RASAL1: variants seen among roughly 807,000 people sequenced by gnomAD.
The protein encoded by RASAL1 is RAS protein activator like 1, also known as rasGAP-activating-like protein 1.
In RASAL1, 72 loss-of-function variants were observed where a neutral mutation model predicts 96.6. The ratio of observed to expected loss-of-function variants is 0.75; its 90% CI spans 0.62 to 0.91. RASAL1 has a LOEUF of 0.91. Ranked by LOEUF, RASAL1 falls within the 40% of genes least tolerant of loss-of-function variation. The pLI is 0.00. For missense variants in RASAL1, 1,016 were observed against 1,072.5 expected, an observed-to-expected ratio of 0.95 and a Z score of 0.74; for synonymous variants, 405 against 430.4, an observed-to-expected ratio of 0.94 and a Z score of 0.73.
chr12:113,114,315 ATG>A (rs1380184598), intron 12 of RASAL1, among the ~76,000 whole-genome samples: 3 of 151,784 alleles, frequency 2.0e-5, no homozygotes. Context: ...TCTGCTAAAA[ATG>A]TAAAAACTTA....
rs774574207 is a variant in RASAL1 at position 113,101,995 on chromosome 12, G to A, written c.2119C>T (p.Arg707Cys). Residue 707 changes from arginine to cysteine, a missense_variant, in exon 19 of 21, where the codon CGT becomes TGT. Arg to Cys is a radical substitution (Grantham distance 180). Coordinates refer to ENST00000548055, the MANE Select transcript of RASAL1 (RefSeq NM_001301202.2). ...CCCAGGGTGACAGCTGAGTGTGTAC[G>A]GCTGCAGCCGGCGGCTGAGGGAACA... Reference protein sequence around the residue: ...QAERSAAGCSRTHSAVTLGDW... With the variant: ...QAERSAAGCSCTHSAVTLGDW... 13 of 1,613,514 alleles carry A rather than the reference G, an allele frequency of 8.1e-6. No homozygotes were observed. Among genetic ancestry groups the A allele is most frequent in the Middle Eastern group, 1.6e-4 (1 of 6,070 alleles).
At position 113,120,534 on chromosome 12, in the gene RASAL1, A is replaced by G. The variant is rs559099131; in HGVS notation, c.428+975T>C. On this transcript the variant is annotated intron_variant, in intron 5 of 20. Transcript: ENST00000548055. ...AAGCTGGAAATTGGAGGTCCTCCCC[A>G]ATCTGGGCAGGGATTTTCCTAAAAA... Among the ~76,000 whole-genome samples, 4 of 152,276 alleles carry G rather than the reference A, an allele frequency of 2.6e-5. 1 individual carries two copies. In the East Asian group the frequency reaches 7.7e-4, roughly 29 times the overall value.
rs151201489 is a variant in RASAL1, at chr12:113,111,713, C to T, written c.1374+373G>A. Among the ~76,000 whole-genome samples the T allele has an allele frequency of 9.6e-3, 1,454 of 152,230 alleles. 14 individuals are homozygous for T. The highest frequency in any genetic ancestry group is 0.014 in the Non-Finnish European group (938 of 68,000). The stretch of plus-strand genomic sequence containing the variant: ...GCTTCAAGCGATTCTCCTGACTCAG[C>T]CTCCGGAGTAGCTGGGATTACAGGT... On this transcript the variant is annotated intron_variant, in intron 13 of 20. Coordinates refer to ENST00000548055, the MANE Select transcript of RASAL1 (RefSeq NM_001301202.2).
At chr12:113,111,616 C>G (rs1950867443) in intron 13 of RASAL1, among the ~76,000 whole-genome samples, 1 of 152,154 alleles carries the variant, frequency 6.6e-6, no homozygotes, top group African/African-American at 2.4e-5. Flanking sequence ...TATTTTGAGA[C>G]AGAGTCTATC....
chr12:113,112,097 C>T lies in RASAL1; in HGVS notation c.1363G>A (p.Ala455Thr), dbSNP rs915759922. The change falls in exon 13 of 21, where the codon GCC becomes ACC. Residue 455 changes from alanine to threonine, a missense_variant. Transcript: ENST00000548055. ...CCATCCTGGCGCACCTGGTGCTCGG[C>T]CTGGGGGAAGCGCTCCTCCACTCGC... The part of the protein sequence containing the change: ...HRRVEERFPQ[A>T]EHQDVKYLAI... The T allele has an allele frequency of 1.6e-6, 2 of 1,242,804 alleles. No homozygotes were observed. The highest frequency in any genetic ancestry group is 8.4e-5 in the Admixed American group (2 of 23,758). The allele number at this position is 1,242,804 out of a possible 1,614,324, so 77.0% of individuals were successfully genotyped here. A position where few individuals can be genotyped will look rare whatever the true frequency, so the allele number is the denominator to read the frequency against.
chr12:113,100,510 G>A, intron 20 of RASAL1, 118 bp downstream of exon 20: 2 of 844,138 alleles, frequency 2.4e-6, no homozygotes, highest in Non-Finnish European at 3.9e-6. Context: ...TGTTGGCCAA[G>A]CTGATCTCGA....
intron 4 of RASAL1, among the ~76,000 whole-genome samples, chr12:113,123,112 G>A (rs141386207): frequency 1.1e-3 from 175 of 152,220 alleles, no homozygotes; most frequent in African/African-American, 4.0e-3. Flanking sequence ...AAATCTGTCT[G>A]CGTAATTACT....
Position 113,114,899 on chromosome 12 carries a change from G to C in RASAL1, c.1082C>G (p.Pro361Arg), listed in dbSNP as rs757007980. The change falls in exon 12 of 21, where the codon CCC (proline) becomes CGC (arginine). Residue 361 changes from proline to arginine, a missense_variant. Pro to Arg is a moderately radical substitution (Grantham distance 103). Transcript: ENST00000548055. ...MEQFMKLVGM[P>R]YLHEVLKPVI... Reference sequence around the variant, plus strand: ...AGGCTTCAGGACCTCGTGCAGGTAGGGCATGCCCACGAGCTGGGGGCAGGG... The same window carrying C: ...AGGCTTCAGGACCTCGTGCAGGTAGCGCATGCCCACGAGCTGGGGGCAGGG... 10 of 1,613,878 alleles carry C rather than the reference G, an allele frequency of 6.2e-6. 1 individual carries two copies. In the South Asian group the frequency reaches 6.6e-5, roughly 11 times the overall value.
chr12:113,119,224 T>C lies in RASAL1; in HGVS notation c.546A>G (p.Glu182=). 6.2e-7 allele frequency: 1 copy of C among 1,613,852 alleles called. No homozygotes were observed. Among genetic ancestry groups the C allele is most frequent in the South Asian group, 1.1e-5 (1 of 91,074 alleles). ...IKKTRFPHWD[E]VLELREMPGA... Reference sequence around the variant, plus strand: ...CTGGCATCTCCCGCAGCTCCAGCACTTCATCCCAGTGCGGGAAGCGAGTCT... The same window carrying C: ...CTGGCATCTCCCGCAGCTCCAGCACCTCATCCCAGTGCGGGAAGCGAGTCT... Residue 182 remains glutamate, a synonymous_variant, in exon 7 of 21, where the codon GAA becomes GAG. Transcript: ENST00000548055.
chr12:113,104,369 T>TTGTG (rs1430787204), intron 16 of RASAL1, 71 bp from the exon 17 acceptor site: 5 of 1,442,616 alleles, frequency 3.5e-6, no homozygotes, highest in Non-Finnish European at 3.8e-6. Context: ...TTCCGTCTGG[T>TTGTG]TGTGTGCAGC....
rs749619921 is a variant in RASAL1 at position 113,114,935 on chromosome 12, G to A, written c.1069-23C>T. ...GAGCTGGGGGCAGGGGGCACCACACGGGGTGGGGCTGAGGGCGAGGCCGGG... is the reference window on the plus strand; with the variant it reads ...GAGCTGGGGGCAGGGGGCACCACACAGGGTGGGGCTGAGGGCGAGGCCGGG... On this transcript the variant is annotated intron_variant, in intron 11 of 20. Coordinates refer to ENST00000548055, the MANE Select transcript of RASAL1 (RefSeq NM_001301202.2). The A allele has an allele frequency of 3.4e-5, 54 of 1,585,174 alleles. No homozygotes were observed. The Admixed American group carries it at 6.5e-4, about 19-fold the overall frequency.
Position 113,107,080 on chromosome 12 carries a change from G to T in RASAL1, c.1657+17C>A. Reference sequence around the variant, plus strand: ...CTGGGCTGAGAAGCCAGATGTGGCCGGACCACAGGAACTCACCTTCATCCC... The same window carrying T: ...CTGGGCTGAGAAGCCAGATGTGGCCTGACCACAGGAACTCACCTTCATCCC... On this transcript the variant is annotated intron_variant, in intron 15 of 20. Transcript: ENST00000548055. 3.7e-6 allele frequency: 6 copies of T among 1,600,816 alleles called. No individual in the cohort carries two copies. The South Asian group carries it at 6.8e-5, about 18-fold the overall frequency.
chr12:113,126,696 A>T (rs763657310), intron 4 of RASAL1, among the ~76,000 whole-genome samples: 2,028 of 150,402 alleles, frequency 0.013, 33 homozygotes, highest in South Asian at 0.061. Context: ...TCTCACACAC[A>T]CACACACACA....
At position 113,116,019 on chromosome 12, in the gene RASAL1, C is replaced by G; in HGVS notation, c.764G>C (p.Arg255Pro). The change falls in exon 9 of 21, where the codon CGC becomes CCC. Residue 255 changes from arginine to proline, a missense_variant. Coordinates refer to ENST00000548055, the MANE Select transcript of RASAL1 (RefSeq NM_001301202.2). Reference protein sequence around the residue: ...GNLGALRVKVRLIEDRVLPSQ... With the variant: ...GNLGALRVKVPLIEDRVLPSQ... The stretch of plus-strand genomic sequence containing the variant: ...GGGCAGGACGCGGTCCTCAATCAGG[C>G]GTACCTTCACTCGCAGGGCACCCAG... 6.2e-7 allele frequency: 1 copy of G among 1,604,646 alleles called. No individual in the cohort carries two copies. The highest frequency in any genetic ancestry group is 8.5e-7 in the Non-Finnish European group (1 of 1,175,416).
rs1566043922 is a variant in RASAL1, at chr12:113,109,047, T to TG, written c.1375-826_1375-825insC. Among the ~76,000 whole-genome samples the TG allele has an allele frequency of 3.1e-3, 354 of 115,528 alleles. 1 individual carries two copies. Among genetic ancestry groups the TG allele is most frequent in the African/African-American group, 9.7e-3 (343 of 35,302 alleles). 75.8% of individuals were successfully genotyped at this position (115,528 alleles called of 152,430 possible). A position where few individuals can be genotyped will look rare whatever the true frequency, so the allele number is the denominator to read the frequency against. On this transcript the variant is annotated intron_variant, in intron 13 of 20. Coordinates refer to ENST00000548055, the MANE Select transcript of RASAL1 (RefSeq NM_001301202.2). ...TTTTTAGGTTTTTTTGTGTGTGTTT[T>TG]TTTTTTTTTTTTTAGTAGAGATGGG...
At position 113,105,843 on chromosome 12, in the gene RASAL1, A is replaced by T. The variant is rs1264474473; in HGVS notation, c.1701T>A (p.Ile567=). The T allele has an allele frequency of 1.2e-6, 2 of 1,614,076 alleles. No homozygotes were observed. The highest frequency in any genetic ancestry group is 3.3e-5 in the Admixed American group (2 of 60,014). The change falls in exon 16 of 21, where the codon ATT becomes ATA. Residue 567 remains isoleucine (I), a synonymous_variant. Transcript: ENST00000548055. ...PARALFPPSA[I]VREGYLLKRK... is the part of the protein sequence containing the mutation. ...GCTTCAGCAGATAGCCTTCTCGAACAATGGCCGAGGGCGGGAACAGGGCCC... is the reference window on the plus strand; with the variant it reads ...GCTTCAGCAGATAGCCTTCTCGAACTATGGCCGAGGGCGGGAACAGGGCCC...
rs543433414 is a variant in RASAL1, at chr12:113,127,862, A to G, written c.248T>C (p.Ile83Thr). Residue 83 changes from isoleucine (I) to threonine (T), a missense_variant, in exon 4 of 21, where the codon ATC (isoleucine) becomes ACC (threonine). Coordinates refer to ENST00000548055, the MANE Select transcript of RASAL1 (RefSeq NM_001301202.2). Reference protein sequence around the residue: ...LDEDTVGHDDIIGKISLSREA... With the variant: ...LDEDTVGHDDTIGKISLSREA... Reference sequence around the variant, plus strand: ...CCTGCTCAGCGAGATCTTGCCGATGATGTCGTCGTGCCTGCAGGAAGGCGG... The same window carrying G: ...CCTGCTCAGCGAGATCTTGCCGATGGTGTCGTCGTGCCTGCAGGAAGGCGG... The G allele has an allele frequency of 2.5e-6, 4 of 1,613,298 alleles. No homozygotes were observed. Among genetic ancestry groups the G allele is most frequent in the Non-Finnish European group, 3.4e-6 (4 of 1,179,412 alleles).
At chr12:113,114,663 T>C (rs528161701) in intron 12 of RASAL1, 137 bp downstream of exon 12, 300 of 723,040 alleles carry the variant, frequency 4.1e-4, no homozygotes, top group Non-Finnish European at 6.6e-4. Flanking sequence ...TGTGTGAGGC[T>C]TTCAGCTCAG....
intron 15 of RASAL1, 99 bp downstream of exon 15, chr12:113,106,998 A>G (rs1010636789): frequency 1.1e-5 from 15 of 1,313,508 alleles, no homozygotes; most frequent in Non-Finnish European, 1.5e-5. Flanking sequence ...ACAGATTCAC[A>G]TTCTTAGTGC....
Sources: gnomAD v4.1 joint callset for allele counts (sites outside exome capture counted in the v4.1 genomes callset) on GRCh38, gnomAD v4.1.1 for gene constraint, MANE v1.5 for transcripts, NCBI Gene and HGNC (gene_info 2026-07-23, HGNC 2026-07-21) for gene names.